The following CACNA1A variants were observed in gnomAD, a reference collection of about 807,000 sequenced individuals.
The protein encoded by CACNA1A is voltage-dependent P/Q-type calcium channel subunit alpha-1A.
Under a neutral mutation model 262.4 loss-of-function variants are expected in CACNA1A, and 57 were observed. That is an observed-to-expected ratio of 0.22 (90% CI 0.18 to 0.27). CACNA1A has a LOEUF of 0.27. Ranked by LOEUF, CACNA1A falls within the 10% of genes least tolerant of loss-of-function variation. The pLI, the probability that CACNA1A is intolerant of heterozygous loss-of-function variation, is 1.00. For missense variants in CACNA1A, 2,526 were observed against 3,562.8 expected, an observed-to-expected ratio of 0.71 and a Z score of 7.41; for synonymous variants, 1,431 against 1,419.3, an observed-to-expected ratio of 1.01 and a Z score of -0.18.
chr19:13,209,446 T>A lies in CACNA1A; in HGVS notation c.6392A>T (p.Lys2131Met). The A allele has an allele frequency of 7.3e-7, 1 of 1,377,158 alleles. No individual in the cohort carries two copies. Among genetic ancestry groups the A allele is most frequent in the East Asian group, 2.8e-5 (1 of 36,228 alleles). The allele number at this position is 1,377,158 out of a possible 1,614,324, so 85.3% of individuals were successfully genotyped here. A position where few individuals can be genotyped will look rare whatever the true frequency, so the allele number is the denominator to read the frequency against. The change falls in exon 45 of 47, where the codon AAG becomes ATG. Residue 2131 changes from lysine (K) to methionine (M), a missense_variant. Around this residue, in one of 17 missense-constraint regions of CACNA1A, gnomAD observed 929 missense variants for 868.1 expected, o/e 1.07. Transcript: ENST00000360228. ...MKRSASVLGP[K>M]ARRLDDYSLE... is the part of the protein sequence containing the mutation. ...CGAGTAATCGTCCAGGCGTCGGGCCTTGGGGCCCAGCACGGAGGCTGAACG... is the reference window on the plus strand; with the variant it reads ...CGAGTAATCGTCCAGGCGTCGGGCCATGGGGCCCAGCACGGAGGCTGAACG...
chr19:13,405,579 A>G (rs2059989634), intron 3 of CACNA1A, among the ~76,000 whole-genome samples: 1 of 152,172 alleles, frequency 6.6e-6, no homozygotes, highest in South Asian at 2.1e-4. Context: ...GGAGCCGGAT[A>G]CTGTTCTAAG....
At position 13,214,172 on chromosome 19, in the gene CACNA1A, C is replaced by T. The variant is rs1005637990; in HGVS notation, c.5940+61G>A. The T allele has an allele frequency of 2.0e-5, 27 of 1,372,914 alleles. No individual in the cohort carries two copies. In the Middle Eastern group the frequency reaches 7.1e-4, roughly 36 times the overall value. 85.0% of individuals were successfully genotyped at this position (1,372,914 alleles called of 1,614,324 possible). ...CCACCCTCATATTCCAGTTGGTTCC[C>T]GTGGTGACATGCAAGCCACTGTCCC... On this transcript the variant is annotated intron_variant, in intron 40 of 46. Coordinates refer to ENST00000360228, the MANE Select transcript of CACNA1A (RefSeq NM_001127222.2). The surrounding 1 kb of genome is among the most constrained non-coding windows in gnomAD (Gnocchi z 4.1).
intron 25 of CACNA1A, chr19:13,262,219 A>G (rs2056749693): frequency 6.4e-6 from 1 of 157,206 alleles, no homozygotes. Context: ...ATTACATAAG[A>G]GATAATACTG....
At chr19:13,435,893 C>A (rs2060604442) in intron 3 of CACNA1A, among the ~76,000 whole-genome samples, 1 of 152,130 alleles carries the variant, frequency 6.6e-6, no homozygotes, top group Admixed American at 6.5e-5. Context: ...GGCGCAGACT[C>A]AGCTCACTGC....
intron 1 of CACNA1A, among the ~76,000 whole-genome samples, chr19:13,485,826 A>G (rs1182674814): frequency 6.6e-6 from 1 of 152,186 alleles, no homozygotes; most frequent in Non-Finnish European, 1.5e-5. Flanking sequence ...TCAAGGTGAA[A>G]ATGTACAAAT....
At chr19:13,402,757 CACAT>C (rs2059919001) in intron 3 of CACNA1A, among the ~76,000 whole-genome samples, 1 of 140,824 alleles carries the variant, frequency 7.1e-6, no homozygotes, top group Admixed American at 7.5e-5. Context: ...TATATATACA[CACAT>C]ATATATACAT....
At position 13,308,057 on chromosome 19, in the gene CACNA1A, A is replaced by G; in HGVS notation, c.1913+63T>C. 1.3e-6 allele frequency: 2 copies of G among 1,597,832 alleles called. No homozygotes were observed. The highest frequency in any genetic ancestry group is 1.1e-5 in the South Asian group (1 of 88,606). ...GAAGGCAGCCTGCACGGTGGAGGGG[A>G]CTGTGTGTTCCCTGAGCCTGACCCC... On this transcript the variant is annotated intron_variant, in intron 14 of 46. Transcript: ENST00000360228. This position sits in a 1 kb window ranked among gnomAD's most constrained non-coding sequence, Gnocchi z 4.2.
intron 22 of CACNA1A, among the ~76,000 whole-genome samples, chr19:13,281,011 A>G (rs1214587856): frequency 6.6e-6 from 1 of 152,042 alleles, no homozygotes; most frequent in African/African-American, 2.4e-5. Flanking sequence ...AATGCGAAGC[A>G]TAGAAGTGTC....
At position 13,241,550 on chromosome 19, in the gene CACNA1A, G is replaced by A; in HGVS notation, c.4950+3632C>T. 1 of 1,399,074 alleles carries A rather than the reference G, an allele frequency of 7.1e-7. No homozygotes were observed. Among genetic ancestry groups the A allele is most frequent in the Non-Finnish European group, 9.8e-7 (1 of 1,016,498 alleles). The allele number at this position is 1,399,074 out of a possible 1,614,324, so 86.7% of individuals were successfully genotyped here. ...TTCTAGATGCAGATGTTGAAGATGA[G>A]GGGGAGCGGGCGGGCGGGGGCAGTT... is the stretch of plus-strand genomic sequence containing the variant. On this transcript the variant is annotated intron_variant, in intron 31 of 46. Coordinates refer to ENST00000360228, the MANE Select transcript of CACNA1A (RefSeq NM_001127222.2). The surrounding 1 kb of genome is among the most constrained non-coding windows in gnomAD (Gnocchi z 4.0).
intron 1 of CACNA1A, among the ~76,000 whole-genome samples, chr19:13,477,219 T>A (rs567489435): frequency 6.6e-6 from 1 of 152,334 alleles, no homozygotes; most frequent in East Asian, 1.9e-4. Flanking sequence ...TTGGCTCCAA[T>A]GCCATCGCCT....
chr19:13,207,037 T>C lies in CACNA1A; in HGVS notation c.*276A>G. 1 of 227,258 alleles carries C rather than the reference T, an allele frequency of 4.4e-6. No individual in the cohort carries two copies. The allele number at this position is 227,258 out of a possible 1,614,324, so 14.1% of individuals were successfully genotyped here. ...TCAAATCCCTTGGCTGTGTGGTTTG[T>C]CTGCTCCCTGCCTCCCACCCGAGAG... On this transcript the variant is annotated 3_prime_UTR_variant, in exon 47 of 47. Coordinates refer to ENST00000360228, the MANE Select transcript of CACNA1A (RefSeq NM_001127222.2). This position sits in a 1 kb window ranked among gnomAD's most constrained non-coding sequence, Gnocchi z 5.7.
In CACNA1A at chr19:13,207,294, G is replaced by GGCGC. The variant is rs781277436; in HGVS notation, c.*15_*18dup. On this transcript the variant is annotated 3_prime_UTR_variant, in exon 47 of 47. Transcript: ENST00000360228. This position sits in a 1 kb window ranked among gnomAD's most constrained non-coding sequence, Gnocchi z 5.7. ...CGTGGGGTGCGTGGGGGGCCGGGCGGGCGCCACCTCGCCCGGGCTTAGCAC... is the reference window on the plus strand; with the variant it reads ...CGTGGGGTGCGTGGGGGGCCGGGCGGGCGCGCGCCACCTCGCCCGGGCTTAGCAC... 1 of 1,538,552 alleles carries GGCGC rather than the reference G, an allele frequency of 6.5e-7. No individual in the cohort carries two copies. Among genetic ancestry groups the GGCGC allele is most frequent in the South Asian group, 1.2e-5 (1 of 85,502 alleles).
chr19:13,467,971 AGTGTGT>A (rs57410716), intron 1 of CACNA1A, among the ~76,000 whole-genome samples: 1,631 of 150,060 alleles, frequency 0.011, 27 homozygotes, highest in African/African-American at 0.037. Context: ...GAGATGAGTG[AGTGTGT>A]GTGTGTGTGT....
At chr19:13,301,011 A>C (rs1398179595) in intron 17 of CACNA1A, among the ~76,000 whole-genome samples, 1 of 152,116 alleles carries the variant, frequency 6.6e-6, no homozygotes, top group African/African-American at 2.4e-5. Context: ...GCAGTGGCAC[A>C]ATCATAGCTC....
Position 13,212,056 on chromosome 19 carries a change from G to C in CACNA1A, c.6303+47C>G, listed in dbSNP as rs1460893198. On this transcript the variant is annotated intron_variant, in intron 43 of 46. Coordinates refer to ENST00000360228, the MANE Select transcript of CACNA1A (RefSeq NM_001127222.2). This position sits in a 1 kb window ranked among gnomAD's most constrained non-coding sequence, Gnocchi z 5.6. ...TTGTGGGGGGGCCTGGCCCTACCCA[G>C]TGCAGAGTGAGGGGTCCAGCCCCAG... 1.7e-5 allele frequency: 24 copies of C among 1,388,386 alleles called. No individual in the cohort carries two copies. Among genetic ancestry groups the C allele is most frequent in the Non-Finnish European group, 1.9e-5 (19 of 984,444 alleles). The allele number at this position is 1,388,386 out of a possible 1,614,324, so 86.0% of individuals were successfully genotyped here.
chr19:13,445,557 A>G (rs1020830041), intron 3 of CACNA1A, among the ~76,000 whole-genome samples: 2 of 151,936 alleles, frequency 1.3e-5, no homozygotes, highest in African/African-American at 4.9e-5. Flanking sequence ...AACCCTGTGA[A>G]TAAAAAAGAA....
intron 5 of CACNA1A, among the ~76,000 whole-genome samples, chr19:13,360,024 G>GTTTTTT: frequency 7.1e-6 from 1 of 140,492 alleles, no homozygotes; most frequent in Non-Finnish European, 1.6e-5. Flanking sequence ...TTTTCCATGA[G>GTTTTTT]TTTTTTTTTT....
At chr19:13,483,180 C>T (rs1371237029) in intron 1 of CACNA1A, among the ~76,000 whole-genome samples, 8 of 152,030 alleles carry the variant, frequency 5.3e-5, no homozygotes, top group Non-Finnish European at 1.0e-4. Context: ...TTCCTACAGG[C>T]CGGAAGTGAA....
intron 2 of CACNA1A, among the ~76,000 whole-genome samples, chr19:13,454,028 A>C (rs1466293726): frequency 6.6e-6 from 1 of 151,984 alleles, no homozygotes; most frequent in Middle Eastern, 3.4e-3. Flanking sequence ...AACCCTTGGG[A>C]TCTCCAAAGG....
Sources: gnomAD v4.1 joint callset for allele counts (sites outside exome capture counted in the v4.1 genomes callset) on GRCh38, gnomAD v4.1.1 for gene constraint, gnomAD v4.1.1 regional missense constraint, Gnocchi (gnomAD v3.1) non-coding constraint, MANE v1.5 for transcripts, NCBI Gene and HGNC (gene_info 2026-07-23, HGNC 2026-07-21) for gene names.